HMGA2: variants seen among roughly 807,000 people sequenced by gnomAD.
HMGA2 encodes the protein high mobility group protein HMGI-C.
HMGA2 carries 8 observed loss-of-function variants against 19.1 expected under a neutral mutation model. That is an observed-to-expected ratio of 0.42 (90% CI 0.25 to 0.76). The LOEUF (loss-of-function observed/expected upper bound fraction) is 0.76, where lower values mean the gene tolerates loss of function less well. Ranked by LOEUF, HMGA2 falls within the 30% of genes least tolerant of loss-of-function variation. The pLI is 0.28. For missense variants in HMGA2, 109 were observed against 136.3 expected (o/e 0.80, Z 1.00); for synonymous variants, 60 against 48.8 (o/e 1.23, Z -0.96).
chr12:65,836,185 C>A (rs1047470780), intron 2 of HMGA2, among the ~76,000 whole-genome samples: 3 of 151,862 alleles, frequency 2.0e-5, no homozygotes, highest in African/African-American at 7.3e-5. Context: ...TGGTGAAACC[C>A]CGTCTCTACT....
intron 3 of HMGA2, among the ~76,000 whole-genome samples, chr12:65,864,547 C>A (rs902443908): frequency 2.0e-5 from 3 of 152,094 alleles, no homozygotes; most frequent in Non-Finnish European, 4.4e-5. Flanking sequence ...GCAGAGAACA[C>A]CAGCTTTGCT....
intron 3 of HMGA2, among the ~76,000 whole-genome samples, chr12:65,847,091 T>C (rs997965480): frequency 2.0e-5 from 3 of 152,050 alleles, no homozygotes; most frequent in African/African-American, 4.8e-5. Context: ...ACTATATATA[T>C]ACACACACAC....
At chr12:65,847,728 T>C (rs1209766558) in intron 3 of HMGA2, among the ~76,000 whole-genome samples, 1 of 152,152 alleles carries the variant, frequency 6.6e-6, no homozygotes, top group Non-Finnish European at 1.5e-5. Context: ...TGAGAAGCCA[T>C]CAAAAAAACT....
chr12:65,939,621 G>C (rs1419983947), intron 3 of HMGA2, among the ~76,000 whole-genome samples: 2 of 152,190 alleles, frequency 1.3e-5, no homozygotes, highest in African/African-American at 4.8e-5. Flanking sequence ...CTCCCAAAGT[G>C]CTGGGATTAT....
At chr12:65,878,760 C>G (rs949481482) in intron 3 of HMGA2, among the ~76,000 whole-genome samples, 1 of 152,178 alleles carries the variant, frequency 6.6e-6, no homozygotes, top group Non-Finnish European at 1.5e-5. Flanking sequence ...ATCTAAGGCT[C>G]TAATGACTTG....
At chr12:65,938,966 G>T (rs1875990347) in intron 3 of HMGA2, among the ~76,000 whole-genome samples, 1 of 152,150 alleles carries the variant, frequency 6.6e-6, no homozygotes, top group African/African-American at 2.4e-5. Flanking sequence ...TCATGTCCAG[G>T]AATCAGCATT....
intron 3 of HMGA2, chr12:65,851,242 A>C (rs1201868445): frequency 6.5e-6 from 1 of 153,518 alleles, no homozygotes; most frequent in Non-Finnish European, 1.4e-5. Context: ...GGCCTGGCAC[A>C]GTGGCTCAGG....
At chr12:65,834,940 C>A (rs1380713435) in intron 2 of HMGA2, among the ~76,000 whole-genome samples, 1 of 152,094 alleles carries the variant, frequency 6.6e-6, no homozygotes, top group Non-Finnish European at 1.5e-5. Flanking sequence ...TGAGGGCAAA[C>A]AAGGGAGAAA....
In HMGA2 at chr12:65,965,223, G is replaced by A. The variant is rs1298741349; in HGVS notation, c.*1931G>A. ...TTGCATAATGCAATCAAAAATATGT[G>A]TTTTTAAGATTAGTTGAATATAAGA... On this transcript the variant is annotated 3_prime_UTR_variant, in exon 5 of 5. Coordinates refer to ENST00000403681, the MANE Select transcript of HMGA2 (RefSeq NM_003483.6). The A allele has an allele frequency of 5.0e-6, 1 of 201,636 alleles. No individual in the cohort carries two copies. Among genetic ancestry groups the A allele is most frequent in the East Asian group, 7.7e-5 (1 of 12,910 alleles). The allele number at this position is 201,636 out of a possible 1,614,324, so 12.5% of individuals were successfully genotyped here.
intron 3 of HMGA2, among the ~76,000 whole-genome samples, chr12:65,852,787 G>T (rs1457171065): frequency 6.6e-6 from 1 of 152,184 alleles, no homozygotes; most frequent in Non-Finnish European, 1.5e-5. Context: ...AATAAGCAGG[G>T]TTGGGTGAGG....
chr12:65,873,326 C>A (rs142458502), intron 3 of HMGA2, among the ~76,000 whole-genome samples: 7 of 152,260 alleles, frequency 4.6e-5, no homozygotes, highest in Non-Finnish European at 8.8e-5. Context: ...TGGTGTGTTA[C>A]AAATAAATAA....
At chr12:65,833,244 C>T (rs937062260) in intron 2 of HMGA2, among the ~76,000 whole-genome samples, 3 of 151,954 alleles carry the variant, frequency 2.0e-5, no homozygotes, top group African/African-American at 4.8e-5. Context: ...GGGATTGATT[C>T]GTAGAGTTGA....
intron 3 of HMGA2, among the ~76,000 whole-genome samples, chr12:65,920,688 T>C (rs1875275523): frequency 6.6e-6 from 1 of 152,220 alleles, no homozygotes; most frequent in South Asian, 2.1e-4. Context: ...GCCACTGCCA[T>C]GTAAGAAGTG....
chr12:65,873,609 T>C (rs548210782), intron 3 of HMGA2, among the ~76,000 whole-genome samples: 2 of 152,354 alleles, frequency 1.3e-5, no homozygotes, highest in East Asian at 3.9e-4. Context: ...GAAAGTAAGA[T>C]ATATAAAGCA....
At chr12:65,832,931 A>T (rs1388014030) in intron 2 of HMGA2, among the ~76,000 whole-genome samples, 8 of 151,972 alleles carry the variant, frequency 5.3e-5, no homozygotes, top group Admixed American at 5.2e-4. Flanking sequence ...GGAGGAGAAG[A>T]ATCTTAAACT....
At chr12:65,951,450 A>G in intron 4 of HMGA2, 35 bp downstream of exon 4, 1 of 1,374,634 alleles carries the variant, frequency 7.3e-7, no homozygotes, top group Non-Finnish European at 1.0e-6. Flanking sequence ...TCTCCCAATT[A>G]ATATAAAAAG....
At chr12:65,948,997 G>A (rs1219440247) in intron 3 of HMGA2, among the ~76,000 whole-genome samples, 2 of 152,162 alleles carry the variant, frequency 1.3e-5, no homozygotes, top group African/African-American at 4.8e-5. Context: ...GTAAACATGT[G>A]TACAGGTGTA....
intron 3 of HMGA2, among the ~76,000 whole-genome samples, chr12:65,945,857 A>G (rs1245796612): frequency 6.6e-6 from 1 of 152,194 alleles, no homozygotes; most frequent in Non-Finnish European, 1.5e-5. Flanking sequence ...TGTTGTCTAT[A>G]TGGTAGGGAT....
At chr12:65,857,672 C>T (rs1871811239) in intron 3 of HMGA2, 1 of 152,088 alleles carries the variant, frequency 6.6e-6, no homozygotes, top group African/African-American at 2.4e-5. Context: ...GAGGAAATTT[C>T]CAAATAACCT....
Sources: gnomAD v4.1 joint callset for allele counts (sites outside exome capture counted in the v4.1 genomes callset) on GRCh38, gnomAD v4.1.1 for gene constraint, MANE v1.5 for transcripts, NCBI Gene and HGNC (gene_info 2026-07-23, HGNC 2026-07-21) for gene names.